Variants in PPP2R3A observed in about 807,000 individuals in gnomAD.
PPP2R3A encodes the protein serine/threonine-protein phosphatase 2A regulatory subunit B'' subunit alpha.
Under a neutral mutation model 106.9 loss-of-function variants are expected in PPP2R3A, and 80 were observed. That is an observed-to-expected ratio of 0.75 (90% CI 0.62 to 0.90). The LOEUF is 0.90. Among genes scored for constraint, PPP2R3A ranks in the 40% least tolerant of loss-of-function variants. The pLI is 0.00. For missense variants in PPP2R3A, 1,386 were observed against 1,350.4 expected (o/e 1.03, Z -0.41); for synonymous variants, 483 against 468.3 (o/e 1.03, Z -0.41).
chr3:136,105,975 GAAAA>G (rs2107973335), intron 12 of PPP2R3A, among the ~76,000 whole-genome samples: 1 of 151,582 alleles, frequency 6.6e-6, no homozygotes, highest in Admixed American at 6.6e-5. Flanking sequence ...GAAAAAAAAA[GAAAA>G]AAGAAAAAAA....
chr3:136,101,811 G>A lies in PPP2R3A; in HGVS notation c.2928-196G>A, dbSNP rs80179106. On this transcript the variant is annotated intron_variant, in intron 10 of 13. Coordinates refer to ENST00000264977, the MANE Select transcript of PPP2R3A (RefSeq NM_002718.5). Reference sequence around the variant, plus strand: ...ATAGGAAGGTAAAAAGCAAAATGGGGTTGAACACGGTTGATTCTGGGTGGA... The same window carrying A: ...ATAGGAAGGTAAAAAGCAAAATGGGATTGAACACGGTTGATTCTGGGTGGA... Among the ~76,000 whole-genome samples, 942 of 152,286 alleles carry A rather than the reference G, an allele frequency of 6.2e-3. 13 individuals carry two copies. The highest frequency in any genetic ancestry group is 0.021 in the African/African-American group (892 of 41,558).
At chr3:136,006,596 G>A (rs920179137) in intron 2 of PPP2R3A, among the ~76,000 whole-genome samples, 5 of 152,146 alleles carry the variant, frequency 3.3e-5, no homozygotes, top group African/African-American at 1.2e-4. Flanking sequence ...CAGGCAGTGG[G>A]CCAGATTTGG....
intron 10 of PPP2R3A, among the ~76,000 whole-genome samples, chr3:136,092,098 G>A (rs2107948548): frequency 1.3e-5 from 2 of 152,288 alleles, no homozygotes; most frequent in South Asian, 4.1e-4. Flanking sequence ...GGAGGCCGAG[G>A]TGGGCAGATC....
intron 6 of PPP2R3A, among the ~76,000 whole-genome samples, chr3:136,077,581 G>A (rs1936639819): frequency 7.8e-6 from 1 of 128,292 alleles, no homozygotes; most frequent in Admixed American, 1.0e-4. Flanking sequence ...AATAATCAGT[G>A]AAAGGGAAAT....
intron 1 of PPP2R3A, among the ~76,000 whole-genome samples, chr3:135,970,068 T>C (rs1937201125): frequency 6.6e-6 from 1 of 152,260 alleles, no homozygotes; most frequent in African/African-American, 2.4e-5. Context: ...AAAATGCTAA[T>C]GCTGTGGTCC....
rs1939128909 is a variant in PPP2R3A, at chr3:136,146,435, C to T, written c.*1269C>T. 6.6e-6 allele frequency: 1 copy of T among 152,170 alleles called. No individual in the cohort carries two copies. Among genetic ancestry groups the T allele is most frequent in the Non-Finnish European group, 1.5e-5 (1 of 68,028 alleles). The allele number at this position is 152,170 out of a possible 1,614,324, so 9.4% of individuals were successfully genotyped here. On this transcript the variant is annotated 3_prime_UTR_variant, in exon 14 of 14. Transcript: ENST00000264977. ...AAGAATAGCTTCCCTTTCCACCCTA[C>T]CTAGGTTCCCTCCTTGCTGGCATAA...
chr3:136,035,908 T>G (rs1348573225), intron 3 of PPP2R3A, among the ~76,000 whole-genome samples: 1 of 152,062 alleles, frequency 6.6e-6, no homozygotes, highest in Non-Finnish European at 1.5e-5. Context: ...CCTTAGAGGC[T>G]TTGTTCATAT....
intron 3 of PPP2R3A, among the ~76,000 whole-genome samples, chr3:136,030,079 G>A (rs1255431592): frequency 6.6e-6 from 1 of 152,058 alleles, no homozygotes; most frequent in African/African-American, 2.4e-5. Flanking sequence ...TTGCCTGGGT[G>A]TAGTGACATG....
chr3:136,049,900 TAGG>T (rs927345300), intron 5 of PPP2R3A, among the ~76,000 whole-genome samples: 28 of 152,102 alleles, frequency 1.8e-4, no homozygotes, highest in African/African-American at 6.5e-4. Flanking sequence ...AAAATTAGAA[TAGG>T]AGAAGGGAAA....
intron 6 of PPP2R3A, among the ~76,000 whole-genome samples, chr3:136,072,807 G>C (rs1936477811): frequency 6.6e-6 from 1 of 152,126 alleles, no homozygotes; most frequent in Non-Finnish European, 1.5e-5. Context: ...GAACAAAAGA[G>C]TAAAATGGAA....
intron 10 of PPP2R3A, among the ~76,000 whole-genome samples, chr3:136,093,021 A>G (rs1937130947): frequency 6.6e-6 from 1 of 152,246 alleles, no homozygotes; most frequent in Admixed American, 6.5e-5. Context: ...ATAGAGGAGT[A>G]AATTTTCACG....
chr3:136,031,951 T>A (rs1426821519), intron 3 of PPP2R3A, among the ~76,000 whole-genome samples: 1 of 152,192 alleles, frequency 6.6e-6, no homozygotes, highest in African/African-American at 2.4e-5. Flanking sequence ...ACCTCTAGAT[T>A]TATTCTTTTT....
chr3:135,991,375 T>C (rs1161323747), intron 1 of PPP2R3A, among the ~76,000 whole-genome samples: 1 of 147,506 alleles, frequency 6.8e-6, no homozygotes, highest in African/African-American at 2.7e-5. Context: ...AAAAGGAAAT[T>C]GTGTGAATTA....
intron 10 of PPP2R3A, 44 bp from the exon 11 acceptor site, chr3:136,101,959 TAAAA>T (rs1937371221): frequency 6.5e-7 from 1 of 1,543,086 alleles, no homozygotes; most frequent in African/African-American, 1.4e-5. Flanking sequence ...TCTGGATAAA[TAAAA>T]GGTCTTTACC....
intron 12 of PPP2R3A, among the ~76,000 whole-genome samples, chr3:136,104,833 T>C (rs949861333): frequency 6.6e-6 from 1 of 152,230 alleles, no homozygotes; most frequent in Non-Finnish European, 1.5e-5. Flanking sequence ...AAAGACATTT[T>C]ATCTGAAACA....
At chr3:136,059,077 AG>A (rs1204435555) in intron 5 of PPP2R3A, among the ~76,000 whole-genome samples, 1 of 152,212 alleles carries the variant, frequency 6.6e-6, no homozygotes, top group East Asian at 1.9e-4. Context: ...ACGTAGGCAC[AG>A]GCAAAGCTTT....
At position 136,002,621 on chromosome 3, in the gene PPP2R3A, A is replaced by G. The variant is rs746188183; in HGVS notation, c.1123A>G (p.Asn375Asp). The change falls in exon 2 of 14, where the codon AAT (asparagine) becomes GAT (aspartate). Residue 375 changes from asparagine to aspartate, a missense_variant. Coordinates refer to ENST00000264977, the MANE Select transcript of PPP2R3A (RefSeq NM_002718.5). ...ACAATCCATTCCAAACAACTCCACA[A>G]ATTCCTTATATAACTTAGAGGTAAA... ...TVQSIPNNSTNSLYNLEVNDP... is the reference protein window; with the variant it reads ...TVQSIPNNSTDSLYNLEVNDP... 3 of 1,613,972 alleles carry G rather than the reference A, an allele frequency of 1.9e-6. No individual in the cohort carries two copies. Among genetic ancestry groups the G allele is most frequent in the Admixed American group, 3.3e-5 (2 of 60,006 alleles).
At chr3:136,044,832 GC>G (rs1559886373) in intron 4 of PPP2R3A, among the ~76,000 whole-genome samples, 1 of 152,166 alleles carries the variant, frequency 6.6e-6, no homozygotes, top group African/African-American at 2.4e-5. Flanking sequence ...TGCAGAGCAG[GC>G]CACTGTCACT....
rs1456224600 is a variant in PPP2R3A at position 136,145,688 on chromosome 3, A to C, written c.*522A>C. 2 of 152,680 alleles carry C rather than the reference A, an allele frequency of 1.3e-5. No homozygotes were observed. The highest frequency in any genetic ancestry group is 2.9e-5 in the Non-Finnish European group (2 of 68,074). 9.5% of individuals were successfully genotyped at this position (152,680 alleles called of 1,614,324 possible). Reference sequence around the variant, plus strand: ...ACTTCTTTTATGTATACTGGAGTTCAAAGATCTTTAACTTACCTGGCTTAA... The same window carrying C: ...ACTTCTTTTATGTATACTGGAGTTCCAAGATCTTTAACTTACCTGGCTTAA... On this transcript the variant is annotated 3_prime_UTR_variant, in exon 14 of 14. Coordinates refer to ENST00000264977, the MANE Select transcript of PPP2R3A (RefSeq NM_002718.5).
Sources: allele counts gnomAD v4.1 joint callset (sites outside exome capture counted in the v4.1 genomes callset), GRCh38; gene constraint gnomAD v4.1.1; transcripts MANE v1.5; gene names NCBI Gene and HGNC (gene_info 2026-07-23, HGNC 2026-07-21).